Variants in CTSH observed in about 807,000 individuals in gnomAD.
CTSH encodes pro-cathepsin H.
CTSH carries 52 observed loss-of-function variants against 56.3 expected under a neutral mutation model. The ratio of observed to expected loss-of-function variants is 0.92; its 90% CI spans 0.74 to 1.16. The LOEUF (loss-of-function observed/expected upper bound fraction) is 1.16, where lower values mean the gene tolerates loss of function less well. CTSH is among the 50% of genes most tolerant of loss of function. The pLI is 0.00. For missense variants in CTSH, 406 were observed against 424.5 expected (o/e 0.96, Z 0.38); for synonymous variants, 174 against 155.7 (o/e 1.12, Z -0.88).
chr15:78,926,061 C>T (rs1883559818), intron 9 of CTSH: 1 of 152,542 alleles, frequency 6.6e-6, no homozygotes, highest in African/African-American at 2.4e-5. Flanking sequence ...ACAACAGTAT[C>T]TGCAGGGTGG....
intron 5 of CTSH, 162 bp downstream of exon 5, chr15:78,934,816 T>C (rs148414677): frequency 1.7e-5 from 12 of 706,792 alleles, no homozygotes; most frequent in African/African-American, 1.6e-4. Context: ...AGTGCTGACC[T>C]CCCTGGCCCC....
intron 3 of CTSH, among the ~76,000 whole-genome samples, chr15:78,935,974 G>A (rs530546905): frequency 1.9e-4 from 29 of 152,116 alleles, no homozygotes; most frequent in African/African-American, 7.0e-4. Flanking sequence ...ATAGATGTCC[G>A]GGCCGTACTC....
intron 3 of CTSH, among the ~76,000 whole-genome samples, chr15:78,935,998 G>A (rs1289136944): frequency 6.6e-6 from 1 of 152,032 alleles, no homozygotes; most frequent in African/African-American, 2.4e-5. Context: ...AGATGCTAAT[G>A]CAGTTGGTCT....
At chr15:78,943,622 T>C (rs1246664967) in intron 1 of CTSH, among the ~76,000 whole-genome samples, 1 of 152,152 alleles carries the variant, frequency 6.6e-6, no homozygotes, top group African/African-American at 2.4e-5. Flanking sequence ...CACCCAAAAA[T>C]CCCTTGAAAC....
At chr15:78,932,175 T>TTCCTTAATAAACTCAGA in intron 6 of CTSH, 197 bp downstream of exon 6, 1 of 920,672 alleles carries the variant, frequency 1.1e-6, no homozygotes, top group Non-Finnish European at 1.6e-6. Flanking sequence ...CTTGGGCCGG[T>TTCCTTAATAAACTCAGA]TCCTTAATAA....
chr15:78,934,912 C>T (rs2055141984), intron 5 of CTSH, 66 bp downstream of exon 5: 2 of 1,039,664 alleles, frequency 1.9e-6, no homozygotes, highest in Non-Finnish European at 3.0e-6. Flanking sequence ...TTGAGTTGTT[C>T]TTCCTGGTGT....
chr15:78,930,537 A>T (rs569036467), intron 7 of CTSH, among the ~76,000 whole-genome samples: 38 of 147,600 alleles, frequency 2.6e-4, no homozygotes, highest in African/African-American at 7.9e-4. Flanking sequence ...AAAAAAAGAA[A>T]AAATAAATAA....
At chr15:78,931,371 G>C in intron 7 of CTSH, 80 bp downstream of exon 7, 1 of 1,574,996 alleles carries the variant, frequency 6.3e-7, no homozygotes, top group East Asian at 2.2e-5. Context: ...ATCTGTGGCA[G>C]ACCCAGCACA....
intron 8 of CTSH, 90 bp from the exon 9 acceptor site, chr15:78,927,871 CAA>C (rs1567353791): frequency 9.6e-7 from 1 of 1,042,202 alleles, no homozygotes; most frequent in South Asian, 1.3e-5. Flanking sequence ...CTAAACAAAA[CAA>C]GATGTGCCAG....
At chr15:78,941,664 C>G (rs540529931) in intron 1 of CTSH, among the ~76,000 whole-genome samples, 1 of 151,808 alleles carries the variant, frequency 6.6e-6, no homozygotes, top group African/African-American at 2.4e-5. Flanking sequence ...GGCGTGGTGG[C>G]GGGCGCCTGC....
At chr15:78,930,034 C>G (rs2055016369) in intron 7 of CTSH, among the ~76,000 whole-genome samples, 2 of 152,232 alleles carry the variant, frequency 1.3e-5, no homozygotes, top group Admixed American at 6.5e-5. Flanking sequence ...CGTCCCTTCT[C>G]TGTTTCTCTC....
intron 10 of CTSH, among the ~76,000 whole-genome samples, chr15:78,924,888 G>A (rs186435081): frequency 2.8e-4 from 43 of 151,150 alleles, no homozygotes; most frequent in Admixed American, 3.3e-4. Context: ...TAGAGATGGG[G>A]TTTCGCCATG....
At chr15:78,926,356 G>A (rs752106137) in intron 9 of CTSH, 1 of 152,352 alleles carries the variant, frequency 6.6e-6, no homozygotes, top group Non-Finnish European at 1.5e-5. Flanking sequence ...GAGCCCAACA[G>A]GTCAGGGCAT....
intron 3 of CTSH, among the ~76,000 whole-genome samples, chr15:78,936,873 C>T (rs2055187556): frequency 6.6e-6 from 1 of 152,198 alleles, no homozygotes; most frequent in African/African-American, 2.4e-5. Flanking sequence ...AGGTGATCCA[C>T]CCATCTCGGC....
chr15:78,941,441 A>AT, intron 1 of CTSH, among the ~76,000 whole-genome samples: 1 of 149,056 alleles, frequency 6.7e-6, no homozygotes, highest in African/African-American at 2.5e-5. Flanking sequence ...AAAAAAAAAA[A>AT]AAAAAAAAAT....
chr15:78,929,681 C>G (rs193114044), intron 7 of CTSH, among the ~76,000 whole-genome samples, 188 bp from the exon 8 acceptor site: 1 of 152,114 alleles, frequency 6.6e-6, no homozygotes, highest in Non-Finnish European at 1.5e-5. Flanking sequence ...ATGAGGCCAC[C>G]GGAGTCCAAG....
In CTSH at chr15:78,924,692, A is replaced by ATTT. The variant is rs557517206; in HGVS notation, c.806+639_806+641dup. Reference sequence around the variant, plus strand: ...CGTCTTCAAATCTTTAAACATGGGTATTTTTTTTTTTTTCTGAGACAGAGC... The same window carrying ATTT: ...CGTCTTCAAATCTTTAAACATGGGTATTTTTTTTTTTTTTTTCTGAGACAGAGC... On this transcript the variant is annotated intron_variant, in intron 10 of 11. Coordinates refer to ENST00000220166, the MANE Select transcript of CTSH (RefSeq NM_004390.5). 9.7e-3 allele frequency among the ~76,000 whole-genome samples: 1,408 copies of ATTT among 144,944 alleles called. 30 individuals are homozygous for ATTT. The highest frequency in any genetic ancestry group is 0.035 in the African/African-American group (1,365 of 39,248).
In CTSH at chr15:78,923,012, G is replaced by C. The variant is rs2141513137; in HGVS notation, c.913C>G (p.Pro305Ala). Reference protein sequence around the residue: ...PYWIVKNSWGPQWGMNGYFLI... With the variant: ...PYWIVKNSWGAQWGMNGYFLI... ...GCTTACCCGTTCATTCCCCACTGGG[G>C]ACCCCAAGAGTTTTTCACGATCCAG... The change falls in exon 11 of 12, where the codon CCC (proline) becomes GCC (alanine). Residue 305 changes from proline to alanine, a missense_variant. Coordinates refer to ENST00000220166, the MANE Select transcript of CTSH (RefSeq NM_004390.5). 6.2e-7 allele frequency: 1 copy of C among 1,611,622 alleles called. No individual in the cohort carries two copies. The highest frequency in any genetic ancestry group is 1.3e-5 in the African/African-American group (1 of 74,820).
chr15:78,921,965 A>C lies in CTSH; in HGVS notation c.*165T>G. On this transcript the variant is annotated 3_prime_UTR_variant, in exon 12 of 12. Transcript: ENST00000220166. ...TAGACACGGGTGAGCTCATGGTGGA[A>C]CTCCTCCTTGTCTGTAGGTTTCCAG... 1.6e-6 allele frequency: 1 copy of C among 624,704 alleles called. No homozygotes were observed. The highest frequency in any genetic ancestry group is 2.8e-6 in the Non-Finnish European group (1 of 355,866). 38.7% of individuals were successfully genotyped at this position (624,704 alleles called of 1,614,324 possible).
Sources: allele counts gnomAD v4.1 joint callset (sites outside exome capture counted in the v4.1 genomes callset), GRCh38; gene constraint gnomAD v4.1.1; transcripts MANE v1.5; gene names NCBI Gene and HGNC (gene_info 2026-07-23, HGNC 2026-07-21).